Variants in NEK10 observed in about 807,000 individuals in gnomAD.
NEK10 encodes NIMA related kinase 10, also known as serine/threonine-protein kinase Nek10.
In NEK10, 122 loss-of-function variants were observed where a neutral mutation model predicts 159.8. The observed-to-expected ratio is 0.76, with a 90% CI of 0.66 to 0.89. NEK10 has a LOEUF of 0.89. Among genes scored for constraint, NEK10 ranks in the 40% least tolerant of loss-of-function variants. The pLI, the probability that NEK10 is intolerant of heterozygous loss-of-function variation, is 0.00. For synonymous variants in NEK10, 466 were observed against 457.1 expected (o/e 1.02, Z -0.25); for missense variants, 1,342 against 1,323.1 (o/e 1.01, Z -0.22).
chr3:27,246,100 C>G (rs925098754), intron 23 of NEK10, among the ~76,000 whole-genome samples: 7 of 152,184 alleles, frequency 4.6e-5, no homozygotes, highest in Non-Finnish European at 1.0e-4. Flanking sequence ...AGGACTTCCA[C>G]TGACAGAATC....
intron 22 of NEK10, among the ~76,000 whole-genome samples, chr3:27,268,473 T>C (rs1032897487): frequency 1.3e-5 from 2 of 152,184 alleles, no homozygotes; most frequent in Non-Finnish European, 2.9e-5. Context: ...TTATTGACCA[T>C]TCTGAAAATC....
chr3:27,250,598 G>T (rs576703614), intron 23 of NEK10, among the ~76,000 whole-genome samples: 108 of 152,212 alleles, frequency 7.1e-4, no homozygotes, highest in African/African-American at 2.6e-3. Flanking sequence ...CATAGGACAG[G>T]TCAGATGTTG....
chr3:27,197,694 C>T (rs768548085), intron 25 of NEK10, among the ~76,000 whole-genome samples: 7 of 152,144 alleles, frequency 4.6e-5, no homozygotes, highest in Non-Finnish European at 1.0e-4. Context: ...TTTCTAGATA[C>T]AGGATAATGT....
chr3:27,350,464 G>A (rs1264340851), intron 3 of NEK10, among the ~76,000 whole-genome samples: 1 of 152,032 alleles, frequency 6.6e-6, no homozygotes, highest in Non-Finnish European at 1.5e-5. Context: ...GGAGAACAGG[G>A]TAACATTTCT....
chr3:27,327,400 GT>G (rs1409886012), intron 5 of NEK10, among the ~76,000 whole-genome samples: 1 of 152,176 alleles, frequency 6.6e-6, no homozygotes, highest in Non-Finnish European at 1.5e-5. Flanking sequence ...TTATGCCACT[GT>G]TTTCACAGGA....
In NEK10 at chr3:27,171,812, C is replaced by G; in HGVS notation, c.2831+7G>C. 6.2e-7 allele frequency: 1 copy of G among 1,613,520 alleles called. No homozygotes were observed. Among genetic ancestry groups the G allele is most frequent in the Admixed American group, 1.7e-5 (1 of 59,954 alleles). ...AAAATATTTCTAGGAGTTCAATTTG[C>G]ACCTACCTTGTTTGGGATTGTCTTT... On this transcript the variant is annotated splice_region_variant and intron_variant, in intron 29 of 35. Transcript: ENST00000691995.
chr3:27,251,099 T>A (rs1955614237), intron 23 of NEK10, among the ~76,000 whole-genome samples: 1 of 152,122 alleles, frequency 6.6e-6, no homozygotes, highest in Non-Finnish European at 1.5e-5. Flanking sequence ...CTCACAATAA[T>A]CCTAGGACAT....
intron 22 of NEK10, among the ~76,000 whole-genome samples, chr3:27,281,714 A>T (rs1456872688): frequency 6.6e-6 from 1 of 152,118 alleles, no homozygotes; most frequent in Admixed American, 6.5e-5. Context: ...AAGACACAGA[A>T]CATAAGAAAT....
chr3:27,151,496 A>T (rs1227218223), intron 30 of NEK10, among the ~76,000 whole-genome samples: 1 of 152,152 alleles, frequency 6.6e-6, no homozygotes, highest in Non-Finnish European at 1.5e-5. Context: ...GGACAAAAGA[A>T]TCTCAACAAC....
intron 30 of NEK10, among the ~76,000 whole-genome samples, chr3:27,147,972 A>C (rs1402013201): frequency 6.6e-6 from 1 of 152,260 alleles, no homozygotes; most frequent in Non-Finnish European, 1.5e-5. Flanking sequence ...ACACTTGCCA[A>C]AGAACAACTT....
At chr3:27,301,591 A>G in intron 13 of NEK10, 105 bp downstream of exon 13, 1 of 861,786 alleles carries the variant, frequency 1.2e-6, no homozygotes, top group South Asian at 1.8e-5. Context: ...ACATTTTTGT[A>G]AACTTCTAAA....
intron 31 of NEK10, among the ~76,000 whole-genome samples, chr3:27,134,821 T>A (rs992407155): frequency 2.0e-5 from 3 of 152,186 alleles, no homozygotes; most frequent in Non-Finnish European, 4.4e-5. Flanking sequence ...ATGCATAGTT[T>A]AATTGCAGGT....
chr3:27,187,684 T>C (rs1948745195), intron 26 of NEK10, among the ~76,000 whole-genome samples: 1 of 150,284 alleles, frequency 6.7e-6, no homozygotes, highest in Non-Finnish European at 1.5e-5. Context: ...AATTAGCCCA[T>C]AGTGAGGCAG....
chr3:27,122,081 A>G (rs1196372434), intron 32 of NEK10, among the ~76,000 whole-genome samples: 2 of 152,198 alleles, frequency 1.3e-5, no homozygotes, highest in African/African-American at 2.4e-5. Flanking sequence ...GGAAAAAAAT[A>G]TATGATTATA....
chr3:27,194,395 GT>G (rs1463906909), intron 25 of NEK10: 3 of 152,334 alleles, frequency 2.0e-5, no homozygotes, highest in Non-Finnish European at 1.5e-5. Context: ...GATTACAAGG[GT>G]GAGTCACCGC....
At chr3:27,344,726 T>A (rs755217396) in intron 4 of NEK10, among the ~76,000 whole-genome samples, 2 of 152,188 alleles carry the variant, frequency 1.3e-5, no homozygotes, top group African/African-American at 2.4e-5. Context: ...TTGGGGCACA[T>A]TATTTAGACA....
intron 13 of NEK10, among the ~76,000 whole-genome samples, chr3:27,300,108 G>C (rs796550474): frequency 6.6e-5 from 10 of 152,238 alleles, no homozygotes; most frequent in African/African-American, 2.2e-4. Context: ...TGGTTTGACT[G>C]TGTCCCCACC....
intron 23 of NEK10, among the ~76,000 whole-genome samples, chr3:27,217,090 A>T (rs1339583022): frequency 6.6e-6 from 1 of 152,216 alleles, no homozygotes; most frequent in Admixed American, 6.5e-5. Context: ...GAAAATAAGG[A>T]CAATGAAAAT....
chr3:27,136,605 T>C (rs1943242206), intron 31 of NEK10, among the ~76,000 whole-genome samples: 1 of 152,104 alleles, frequency 6.6e-6, no homozygotes. Flanking sequence ...TGTCCAAAGG[T>C]AGATTTGGGG....
Sources: gnomAD v4.1 joint callset for allele counts (sites outside exome capture counted in the v4.1 genomes callset) on GRCh38, gnomAD v4.1.1 for gene constraint, MANE v1.5 for transcripts, NCBI Gene and HGNC (gene_info 2026-07-23, HGNC 2026-07-21) for gene names.